The following WDR45 variants were observed in gnomAD, a reference collection of about 807,000 sequenced individuals.
The protein encoded by WDR45 is WD repeat domain 45.
WDR45 carries 2 observed loss-of-function variants against 27.3 expected under a neutral mutation model. The observed-to-expected ratio is 0.07, with a 90% CI of 0.03 to 0.23. The LOEUF is 0.23. WDR45 is among the 10% of genes least tolerant of loss of function. The pLI, the probability that WDR45 is intolerant of heterozygous loss-of-function variation, is 1.00. For missense variants in WDR45, 175 were observed against 311.9 expected (o/e 0.56, Z 3.31); for synonymous variants, 99 against 119.2 (o/e 0.83, Z 1.11).
At chrX:49,090,865 G>A (rs1418499639) in intron 2 of WDR45, among the ~76,000 whole-genome samples, 2 of 100,237 alleles carry the variant, frequency 2.0e-5, no homozygotes, top group Admixed American at 1.1e-4. Context: ...ACGGAGTCTC[G>A]CTCTGTCACC....
At chrX:49,085,660 G>A in intron 2 of WDR45, among the ~76,000 whole-genome samples, 1 of 112,708 alleles carries the variant, frequency 8.9e-6, no homozygotes, top group Non-Finnish European at 1.9e-5. Flanking sequence ...CAGATTGCTT[G>A]AGCCCAGGAG....
rs1264582237 is a variant in WDR45, at chrX:49,077,834, C to T, written c.130+3G>A. ...CATTGCCCCTCCCCTGCCAACAGCT[C>T]ACCCAGATGCCCCTTCTCCATCAAG... On this transcript the variant is annotated splice_donor_region_variant and intron_variant, in intron 3 of 10. Coordinates refer to ENST00000376372, the MANE Select transcript of WDR45 (RefSeq NM_001029896.2). 5 of 1,211,800 alleles carry T rather than the reference C, an allele frequency of 4.1e-6. No individual in the cohort carries two copies. The highest frequency in any genetic ancestry group is 5.6e-6 in the Non-Finnish European group (5 of 895,418).
At chrX:49,096,231 ATCTC>A (rs781892571) in intron 2 of WDR45, among the ~76,000 whole-genome samples, 11 of 109,745 alleles carry the variant, frequency 1.0e-4, no homozygotes, top group Admixed American at 7.9e-4. Flanking sequence ...ACTCTTGCTT[ATCTC>A]TCTCTCTCTC....
intron 2 of WDR45, among the ~76,000 whole-genome samples, chrX:49,089,042 C>T (rs2065095653): frequency 8.9e-6 from 1 of 112,348 alleles, no homozygotes; most frequent in Admixed American, 9.5e-5. Context: ...AATCTCAGCA[C>T]TTTGGGAGGC....
chrX:49,086,222 G>A (rs781915528), intron 2 of WDR45, among the ~76,000 whole-genome samples: 146 of 111,538 alleles, frequency 1.3e-3, no homozygotes, highest in African/African-American at 4.3e-3. Context: ...GCGTGATCTC[G>A]GCTCACTTCA....
intron 6 of WDR45, 167 bp from the exon 7 acceptor site, chrX:49,076,112 C>A: frequency 2.1e-6 from 1 of 486,241 alleles, no homozygotes. Flanking sequence ...AGGCAGATTC[C>A]ATTCCTTGCT....
intron 1 of WDR45, among the ~76,000 whole-genome samples, 195 bp from the exon 2 acceptor site, chrX:49,078,307 A>C (rs1446930742): frequency 2.7e-5 from 3 of 112,574 alleles, no homozygotes; most frequent in Non-Finnish European, 5.6e-5. Flanking sequence ...GGATCACCTG[A>C]GGTCAGGAGT....
rs782639133 is a variant in WDR45 at position 49,077,916 on chromosome X, G to A, written c.56-5C>T. The A allele has an allele frequency of 8.3e-7, 1 of 1,211,907 alleles. No homozygotes were observed. Among genetic ancestry groups the A allele is most frequent in the Non-Finnish European group, 1.1e-6 (1 of 895,451 alleles). ...CCATGGCGCAGCAAAAGCAGCCTGG[G>A]GGATGGAAGGAATCCAGACTGCCTT... is the stretch of plus-strand genomic sequence containing the variant. On this transcript the variant is annotated splice_polypyrimidine_tract_variant and splice_region_variant and intron_variant, in intron 2 of 10. Transcript: ENST00000376372.
chrX:49,078,263 T>C (rs1420348186), intron 1 of WDR45, among the ~76,000 whole-genome samples, 151 bp from the exon 2 acceptor site: 2 of 112,943 alleles, frequency 1.8e-5, no homozygotes, highest in Non-Finnish European at 3.7e-5. Context: ...GGCTTATGCC[T>C]GTAATCCCAG....
intron 2 of WDR45, among the ~76,000 whole-genome samples, chrX:49,092,499 G>A (rs1193974081): frequency 1.8e-5 from 2 of 109,582 alleles, no homozygotes; most frequent in African/African-American, 6.7e-5. Context: ...TTAGAAAATC[G>A]ACAACACATA....
intron 4 of WDR45, 74 bp from the exon 5 acceptor site, chrX:49,076,824 C>T (rs1479404304): frequency 1.1e-6 from 1 of 893,229 alleles, no homozygotes. Context: ...CAGGATCCAC[C>T]CCTGCTTCCC....
intron 2 of WDR45, among the ~76,000 whole-genome samples, chrX:49,085,676 G>A (rs1449143072): frequency 2.7e-5 from 3 of 112,477 alleles, no homozygotes; most frequent in African/African-American, 9.7e-5. Flanking sequence ...AGGAGTTGGA[G>A]AAGAGCCTGG....
intron 2 of WDR45, among the ~76,000 whole-genome samples, chrX:49,095,319 CT>C (rs1245656915): frequency 9.2e-6 from 1 of 109,159 alleles, no homozygotes. Flanking sequence ...CGAGACTGGC[CT>C]GAGCAACATG....
In WDR45 at chrX:49,093,424, C is replaced by T. The variant is rs781965633; in HGVS notation, c.-18+6781G>A. Among the ~76,000 whole-genome samples the T allele has an allele frequency of 3.6e-5, 4 of 111,021 alleles. No homozygotes were observed. In the East Asian group the frequency reaches 1.1e-3, roughly 31 times the overall value. ...GGGATTACAGGCTTGAGCCGCTGAG[C>T]CCGGCCAGCCCAGGCTAATCTTGAA... On this transcript the variant is annotated intron_variant, in intron 2 of 11. Coordinates refer to the WDR45 transcript ENST00000356463.
At chrX:49,080,983 C>T (rs1557085038), upstream of WDR45, among the ~76,000 whole-genome samples, 2 of 102,396 alleles carry the variant, frequency 2.0e-5, no homozygotes, top group Non-Finnish European at 4.0e-5. Flanking sequence ...CCACAACCTC[C>T]GCCTCCCGGG....
chrX:49,094,463 T>C (rs2065118168), intron 2 of WDR45, among the ~76,000 whole-genome samples: 1 of 110,466 alleles, frequency 9.1e-6, no homozygotes, highest in East Asian at 2.9e-4. Flanking sequence ...AATAAGACTG[T>C]CTCAAAGAAA....
rs781966532 is a variant in WDR45 at position 49,078,522 on chromosome X, G to T, written c.-17-410C>A. 8.1e-5 allele frequency among the ~76,000 whole-genome samples: 9 copies of T among 111,671 alleles called. No individual in the cohort carries two copies. The East Asian group carries it at 1.4e-3, about 18-fold the overall frequency. The stretch of plus-strand genomic sequence containing the variant: ...GGGTGACAGAGCGAGACTCCGTCTC[G>T]GGGGGAAGAAAAAGATAAAAACAGA... On this transcript the variant is annotated intron_variant, in intron 1 of 10. Transcript: ENST00000376372.
chrX:49,075,470 AAG>A lies in WDR45; in HGVS notation c.726-7_726-6del. On this transcript the variant is annotated splice_region_variant and splice_polypyrimidine_tract_variant and intron_variant, in intron 8 of 10. Transcript: ENST00000376372. ...GAGTCGTGGCTGAAGTTAATGCTAGAAGACAGATCAGCAGTGATGCCCACATG... is the reference window on the plus strand; with the variant it reads ...GAGTCGTGGCTGAAGTTAATGCTAGAACAGATCAGCAGTGATGCCCACATG... 1 of 1,210,368 alleles carries A rather than the reference AAG, an allele frequency of 8.3e-7. No homozygotes were observed. Among genetic ancestry groups the A allele is most frequent in the Non-Finnish European group, 1.1e-6 (1 of 894,560 alleles).
intron 2 of WDR45, among the ~76,000 whole-genome samples, chrX:49,090,459 C>G (rs1557086441): frequency 3.6e-5 from 4 of 111,994 alleles, no homozygotes; most frequent in Non-Finnish European, 7.5e-5. Flanking sequence ...GAGGTTGGTT[C>G]TATGATATGT....
Sources: allele counts gnomAD v4.1 joint callset (sites outside exome capture counted in the v4.1 genomes callset), GRCh38; gene constraint gnomAD v4.1.1; transcripts MANE v1.5; gene names NCBI Gene and HGNC (gene_info 2026-07-23, HGNC 2026-07-21).